The following PCLO variants were observed in gnomAD, a reference collection of about 807,000 sequenced individuals.
PCLO encodes the protein piccolo presynaptic cytomatrix protein.
Under a neutral mutation model 427.5 loss-of-function variants are expected in PCLO, and 82 were observed. That is an observed-to-expected ratio of 0.19 (90% CI 0.16 to 0.23). The LOEUF is 0.23. Among genes scored for constraint, PCLO ranks in the 10% least tolerant of loss-of-function variants. PCLO has a pLI of 1.00. For missense variants in PCLO, 6,239 were observed against 6,115.9 expected (o/e 1.02, Z -0.67); for synonymous variants, 2,357 against 2,155.4 (o/e 1.09, Z -2.59).
At chr7:82,924,339 T>A (rs1479593516) in intron 6 of PCLO, among the ~76,000 whole-genome samples, 3 of 152,104 alleles carry the variant, frequency 2.0e-5, no homozygotes, top group Non-Finnish European at 2.9e-5. Context: ...TCCCCTTTAT[T>A]GTATAGAAAA....
In PCLO at chr7:83,134,816, T is replaced by A. The variant is rs779018397; in HGVS notation, c.2734A>T (p.Ile912Phe). 2.5e-6 allele frequency: 4 copies of A among 1,613,606 alleles called. No individual in the cohort carries two copies. Among genetic ancestry groups the A allele is most frequent in the Non-Finnish European group, 3.4e-6 (4 of 1,179,788 alleles). ...SRRFSLNLGSITDAPKSQPTT... is the reference protein window; with the variant it reads ...SRRFSLNLGSFTDAPKSQPTT... ...GGCTGTGATTTGGGGGCATCAGTAA[T>A]ACTTCCCAGATTCAGACTGAAACGC... Residue 912 changes from isoleucine to phenylalanine, a missense_variant, in exon 3 of 25, where the codon ATT (isoleucine) becomes TTT (phenylalanine). Ile to Phe is a conservative substitution (Grantham distance 21). Coordinates refer to ENST00000333891, the MANE Select transcript of PCLO (RefSeq NM_033026.6).
At chr7:82,897,683 A>G (rs1218506175) in intron 9 of PCLO, among the ~76,000 whole-genome samples, 2 of 151,550 alleles carry the variant, frequency 1.3e-5, no homozygotes, top group African/African-American at 2.4e-5. Context: ...AAGTCATACC[A>G]TGGATGACAA....
chr7:82,848,294 C>G (rs999937892), intron 10 of PCLO, among the ~76,000 whole-genome samples: 2 of 137,750 alleles, frequency 1.5e-5, no homozygotes, highest in Non-Finnish European at 3.1e-5. Flanking sequence ...TGTTGTTGAA[C>G]CATTAGTTAG....
intron 22 of PCLO, among the ~76,000 whole-genome samples, chr7:82,764,514 ACAAAG>A: frequency 6.6e-6 from 1 of 152,076 alleles, no homozygotes; most frequent in South Asian, 2.1e-4. Context: ...AGATTGGCTC[ACAAAG>A]CAAAGCCTAG....
At position 82,952,054 on chromosome 7, in the gene PCLO, A is replaced by G. The variant is rs761895485; in HGVS notation, c.8899T>C (p.Phe2967Leu). The change falls in exon 5 of 25, where the codon TTT becomes CTT. Residue 2967 changes from phenylalanine (F) to leucine (L), a missense_variant. Coordinates refer to ENST00000333891, the MANE Select transcript of PCLO (RefSeq NM_033026.6). Reference protein sequence around the residue: ...QPATTLPEDRFGYRDDHYQYD... With the variant: ...QPATTLPEDRLGYRDDHYQYD... ...TGATAGTGGTCATCCCTATAACCAAAACGATCCTCAGGAAGAGTAGTTGCA... is the reference window on the plus strand; with the variant it reads ...TGATAGTGGTCATCCCTATAACCAAGACGATCCTCAGGAAGAGTAGTTGCA... 2 of 1,613,936 alleles carry G rather than the reference A, an allele frequency of 1.2e-6. No individual in the cohort carries two copies.
intron 3 of PCLO, among the ~76,000 whole-genome samples, chr7:83,115,549 C>T (rs1232411985): frequency 6.6e-6 from 1 of 152,034 alleles, no homozygotes; most frequent in African/African-American, 2.4e-5. Context: ...ACGAACATCT[C>T]TTCTTTCTGT....
At chr7:83,024,470 C>G (rs940979581) in intron 3 of PCLO, among the ~76,000 whole-genome samples, 1 of 152,174 alleles carries the variant, frequency 6.6e-6, no homozygotes, top group Non-Finnish European at 1.5e-5. Context: ...CACGGAGTCT[C>G]GCTGATTGCT....
intron 4 of PCLO, among the ~76,000 whole-genome samples, chr7:82,962,919 T>G (rs1485721139): frequency 6.6e-6 from 1 of 151,962 alleles, no homozygotes; most frequent in Non-Finnish European, 1.5e-5. Flanking sequence ...ATGACATTAT[T>G]TTTGACCATG....
chr7:83,110,464 G>A (rs1342686453), intron 3 of PCLO, among the ~76,000 whole-genome samples: 2 of 151,474 alleles, frequency 1.3e-5, no homozygotes, highest in South Asian at 2.1e-4. Context: ...TTGCCTAATC[G>A]CTCAATATGC....
intron 22 of PCLO, among the ~76,000 whole-genome samples, chr7:82,792,417 C>T (rs1312712414): frequency 6.6e-6 from 1 of 151,710 alleles, no homozygotes; most frequent in African/African-American, 2.4e-5. Flanking sequence ...ACCTCTGCCT[C>T]CTGAGCCCAA....
intron 22 of PCLO, among the ~76,000 whole-genome samples, chr7:82,801,175 C>T (rs1244435056): frequency 1.4e-5 from 1 of 71,334 alleles, no homozygotes; most frequent in Non-Finnish European, 3.6e-5. Context: ...TTTCTATTTG[C>T]ATGATATTTT....
intron 10 of PCLO, among the ~76,000 whole-genome samples, chr7:82,853,037 C>T (rs771995071): frequency 6.6e-6 from 1 of 152,034 alleles, no homozygotes; most frequent in Non-Finnish European, 1.5e-5. Flanking sequence ...CCTGTTGCTG[C>T]AAATGATGAG....
intron 6 of PCLO, among the ~76,000 whole-genome samples, chr7:82,927,208 C>G (rs1230874809): frequency 6.6e-6 from 1 of 152,078 alleles, no homozygotes; most frequent in Non-Finnish European, 1.5e-5. Flanking sequence ...AAATTAGGAC[C>G]AATTGTACAC....
At chr7:82,833,269 T>C (rs1792142407) in intron 16 of PCLO, among the ~76,000 whole-genome samples, 6 of 152,174 alleles carry the variant, frequency 3.9e-5, no homozygotes, top group Admixed American at 3.9e-4. Context: ...TAAAGATAGC[T>C]AAAAATAATT....
intron 3 of PCLO, among the ~76,000 whole-genome samples, chr7:83,007,116 A>G (rs1787965618): frequency 6.6e-6 from 1 of 151,604 alleles, no homozygotes; most frequent in South Asian, 2.1e-4. Context: ...GGCCTCAATA[A>G]AAAAGTTATT....
At chr7:82,886,762 A>G (rs1205410781) in intron 9 of PCLO, among the ~76,000 whole-genome samples, 2 of 152,192 alleles carry the variant, frequency 1.3e-5, no homozygotes, top group Non-Finnish European at 2.9e-5. Context: ...AATTACTACT[A>G]TCTGGAAGCG....
At chr7:83,073,360 G>A (rs1452952209) in intron 3 of PCLO, among the ~76,000 whole-genome samples, 1 of 151,888 alleles carries the variant, frequency 6.6e-6, no homozygotes, top group Non-Finnish European at 1.5e-5. Context: ...AAACCTTATT[G>A]AGTACATTCA....
chr7:83,106,092 G>A (rs1300322549), intron 3 of PCLO, among the ~76,000 whole-genome samples: 3 of 152,182 alleles, frequency 2.0e-5, no homozygotes, highest in African/African-American at 7.2e-5. Context: ...AGAATGCTGT[G>A]CTGGCACAAT....
chr7:83,122,550 T>A (rs1791315069), intron 3 of PCLO, among the ~76,000 whole-genome samples: 1 of 152,134 alleles, frequency 6.6e-6, no homozygotes, highest in South Asian at 2.1e-4. Flanking sequence ...CCTCCCAAAG[T>A]GCTGGGATTA....
Sources: allele counts gnomAD v4.1 joint callset (sites outside exome capture counted in the v4.1 genomes callset), GRCh38; gene constraint gnomAD v4.1.1; transcripts MANE v1.5; gene names NCBI Gene and HGNC (gene_info 2026-07-23, HGNC 2026-07-21).